The following NRG3 variants were observed in gnomAD, a reference collection of about 807,000 sequenced individuals.
The protein encoded by NRG3 is neuregulin 3.
NRG3 carries 31 observed loss-of-function variants against 66.9 expected under a neutral mutation model. The ratio of observed to expected loss-of-function variants is 0.46; its 90% CI spans 0.35 to 0.63. The LOEUF is 0.63. Among genes scored for constraint, NRG3 ranks in the 20% least tolerant of loss-of-function variants. NRG3 has a pLI of 0.00. For missense variants in NRG3, 910 were observed against 878.9 expected, an observed-to-expected ratio of 1.04 and a Z score of -0.45; for synonymous variants, 393 against 359.4, an observed-to-expected ratio of 1.09 and a Z score of -1.06.
intron 2 of NRG3, among the ~76,000 whole-genome samples, chr10:82,713,119 CAAAAAAAAA>C (rs369968319): frequency 7.2e-5 from 4 of 55,344 alleles, no homozygotes; most frequent in African/African-American, 7.5e-5. Flanking sequence ...GACTTCATCT[CAAAAAAAAA>C]AAAAAAAAAA....
At chr10:81,905,915 G>A (rs1220929490) in intron 1 of NRG3, among the ~76,000 whole-genome samples, 3 of 152,184 alleles carry the variant, frequency 2.0e-5, no homozygotes, top group African/African-American at 4.8e-5. Flanking sequence ...CTGTACAAAT[G>A]TAAATAGACT....
chr10:82,934,485 A>G (rs1034681274), intron 4 of NRG3, among the ~76,000 whole-genome samples: 1 of 152,224 alleles, frequency 6.6e-6, no homozygotes, highest in Non-Finnish European at 1.5e-5. Context: ...GGAGTAGCAG[A>G]CACCTCTATT....
chr10:82,667,007 T>C (rs1019328603), intron 2 of NRG3, among the ~76,000 whole-genome samples: 6 of 152,212 alleles, frequency 3.9e-5, no homozygotes, highest in African/African-American at 1.4e-4. Context: ...TTTGGGAGTT[T>C]GAACAGCACC....
intron 2 of NRG3, among the ~76,000 whole-genome samples, chr10:82,384,189 G>A (rs1005601256): frequency 1.3e-5 from 2 of 151,660 alleles, no homozygotes; most frequent in Admixed American, 1.3e-4. Context: ...TTCTCCATTT[G>A]AAAAATGTCT....
chr10:81,941,526 A>G (rs1247480902), intron 1 of NRG3, among the ~76,000 whole-genome samples: 1 of 152,152 alleles, frequency 6.6e-6, no homozygotes, highest in Non-Finnish European at 1.5e-5. Flanking sequence ...ACAGTGGAGG[A>G]ATGGAATAAA....
At chr10:82,761,969 T>TTTCC (rs1565287491) in intron 3 of NRG3, among the ~76,000 whole-genome samples, 2 of 147,770 alleles carry the variant, frequency 1.4e-5, no homozygotes, top group African/African-American at 5.0e-5. Flanking sequence ...TCTTTCTTTC[T>TTTCC]TTCTTTTCTT....
intron 1 of NRG3, among the ~76,000 whole-genome samples, chr10:82,066,021 C>A (rs1288738796): frequency 1.3e-5 from 2 of 152,106 alleles, no homozygotes; most frequent in Non-Finnish European, 2.9e-5. Context: ...TTTTAAAAAT[C>A]TATCATTTTA....
At chr10:82,970,119 T>TGAACTTTTGCA (rs1230540220) in intron 6 of NRG3, among the ~76,000 whole-genome samples, 1 of 152,238 alleles carries the variant, frequency 6.6e-6, no homozygotes, top group Non-Finnish European at 1.5e-5. Context: ...CCCTGGAAAT[T>TGAACTTTTGCA]ATTATTTTGA....
At chr10:82,506,276 CTT>C (rs1449239619) in intron 2 of NRG3, among the ~76,000 whole-genome samples, 2 of 152,172 alleles carry the variant, frequency 1.3e-5, no homozygotes, top group African/African-American at 2.4e-5. Flanking sequence ...AAACAAGAGA[CTT>C]TGCGAGGAAT....
chr10:82,250,003 C>T (rs191065108), intron 1 of NRG3, among the ~76,000 whole-genome samples: 5 of 152,106 alleles, frequency 3.3e-5, no homozygotes, highest in East Asian at 1.9e-4. Context: ...TCAGGTGACC[C>T]GTCAGAATAA....
chr10:82,722,626 C>G (rs905308705), intron 2 of NRG3, among the ~76,000 whole-genome samples: 3 of 152,128 alleles, frequency 2.0e-5, no homozygotes, highest in Non-Finnish European at 4.4e-5. Flanking sequence ...GCTCAACACA[C>G]ACAGGATAGC....
chr10:82,296,294 T>A (rs1589628598), intron 1 of NRG3, among the ~76,000 whole-genome samples: 3 of 152,280 alleles, frequency 2.0e-5, no homozygotes, highest in Admixed American at 2.0e-4. Context: ...TCAACGTTTA[T>A]TAGGCAGGGT....
At chr10:82,600,522 G>A (rs2047556371) in intron 2 of NRG3, among the ~76,000 whole-genome samples, 1 of 152,146 alleles carries the variant, frequency 6.6e-6, no homozygotes, top group African/African-American at 2.4e-5. Flanking sequence ...CCTGGCTGGA[G>A]TACAATGGTG....
intron 2 of NRG3, among the ~76,000 whole-genome samples, chr10:82,694,952 T>G (rs1224165598): frequency 6.6e-6 from 1 of 152,142 alleles, no homozygotes; most frequent in African/African-American, 2.4e-5. Flanking sequence ...AAGGCAGCCA[T>G]TTACAATTAC....
At chr10:82,596,130 T>G (rs1291233203) in intron 2 of NRG3, among the ~76,000 whole-genome samples, 1 of 152,204 alleles carries the variant, frequency 6.6e-6, no homozygotes, top group Non-Finnish European at 1.5e-5. Flanking sequence ...ATAATGAACA[T>G]GCTTGCTTGC....
rs189741348 is a variant in NRG3 at position 81,920,233 on chromosome 10, G to A, written c.823+44070G>A. On this transcript the variant is annotated intron_variant, in intron 1 of 8. Coordinates refer to ENST00000372141, the MANE Select transcript of NRG3 (RefSeq NM_001010848.4). ...ATGAGATCTTGCTGGATCAACTGAA[G>A]CACCTGCCACCTGCTTGGCAGGACA... Among the ~76,000 whole-genome samples the A allele has an allele frequency of 1.2e-3, 177 of 152,278 alleles. 1 individual carries two copies. The highest frequency in any genetic ancestry group is 0.01 in the Middle Eastern group (3 of 294).
In NRG3 at chr10:82,727,385, G is replaced by A. The variant is rs535156062; in HGVS notation, c.954-11192G>A. ...GGCCCCTCTGCTATGTGCAGTCTAG[G>A]GACTTGGTGCCCTGCATCCCAGCTG... On this transcript the variant is annotated intron_variant, in intron 2 of 8. Transcript: ENST00000372141. Among the ~76,000 whole-genome samples the A allele has an allele frequency of 5.3e-5, 8 of 152,310 alleles. No homozygotes were observed. The East Asian group carries it at 7.7e-4, about 15-fold the overall frequency.
intron 1 of NRG3, among the ~76,000 whole-genome samples, chr10:82,176,484 C>T (rs2073039505): frequency 6.6e-6 from 1 of 152,108 alleles, no homozygotes; most frequent in Admixed American, 6.6e-5. Flanking sequence ...ATGCTTGCTG[C>T]TCCCTATATG....
At chr10:82,149,737 A>G (rs1476010897) in intron 1 of NRG3, among the ~76,000 whole-genome samples, 2 of 150,850 alleles carry the variant, frequency 1.3e-5, no homozygotes, top group East Asian at 3.9e-4. Context: ...GCCTCCCAGT[A>G]GAATGTCAGA....
Sources: allele counts gnomAD v4.1 joint callset (sites outside exome capture counted in the v4.1 genomes callset), GRCh38; gene constraint gnomAD v4.1.1; transcripts MANE v1.5; gene names NCBI Gene and HGNC (gene_info 2026-07-23, HGNC 2026-07-21).